HDAC9: variants seen among roughly 807,000 people sequenced by gnomAD.
The protein encoded by HDAC9 is MEF-2 interacting transcription repressor (MITR) protein.
HDAC9 carries 41 observed loss-of-function variants against 139.4 expected under a neutral mutation model. That is an observed-to-expected ratio of 0.29 (90% CI 0.23 to 0.38). HDAC9 has a LOEUF of 0.38. HDAC9 is among the 10% of genes least tolerant of loss of function. HDAC9 has a pLI of 1.00. For missense variants in HDAC9, 1,147 were observed against 1,297.0 expected (o/e 0.88, Z 1.78); for synonymous variants, 517 against 476.2 (o/e 1.09, Z -1.12).
chr7:18,904,718 G>GGT (rs1802055453), intron 22 of HDAC9, among the ~76,000 whole-genome samples: 6 of 151,010 alleles, frequency 4.0e-5, no homozygotes, highest in South Asian at 2.1e-4. Context: ...TGGGACTACA[G>GGT]GCAACCGCCA....
intron 1 of HDAC9, among the ~76,000 whole-genome samples, chr7:18,408,231 G>A (rs998485057): frequency 1.8e-4 from 28 of 152,114 alleles, no homozygotes; most frequent in African/African-American, 6.8e-4. Context: ...TAGATTATCA[G>A]CTACATGAAG....
intron 2 of HDAC9, among the ~76,000 whole-genome samples, chr7:18,247,995 G>T (rs1044695772): frequency 6.6e-6 from 1 of 152,114 alleles, no homozygotes; most frequent in Non-Finnish European, 1.5e-5. Context: ...GTCATGGGGA[G>T]AATATCTGAA....
At chr7:18,454,724 G>A (rs546107750) in intron 1 of HDAC9, among the ~76,000 whole-genome samples, 8 of 151,862 alleles carry the variant, frequency 5.3e-5, no homozygotes, top group Admixed American at 2.6e-4. Context: ...TTATGCACCT[G>A]CTATTTTCAG....
Position 18,944,800 on chromosome 7 carries a change from C to CAATA in HDAC9, c.2937+8859_2937+8862dup, listed in dbSNP as rs530686064. On this transcript the variant is annotated intron_variant, in intron 23 of 25. Coordinates refer to ENST00000686413, the MANE Select transcript of HDAC9 (RefSeq NM_178425.4). Reference sequence around the variant, plus strand: ...GTAGCTTTATATCCATGAAATCATACAATATATAATTCTTACTCATTTTGC... The same window carrying CAATA: ...GTAGCTTTATATCCATGAAATCATACAATAAATATATAATTCTTACTCATTTTGC... 2.1e-3 allele frequency among the ~76,000 whole-genome samples: 318 copies of CAATA among 152,152 alleles called. 1 individual carries two copies. Among genetic ancestry groups the CAATA allele is most frequent in the African/African-American group, 7.2e-3 (299 of 41,492 alleles).
At chr7:18,722,712 A>G (rs1161238044) in intron 12 of HDAC9, among the ~76,000 whole-genome samples, 1 of 152,182 alleles carries the variant, frequency 6.6e-6, no homozygotes, top group Non-Finnish European at 1.5e-5. Context: ...CATGTGGTTT[A>G]CTGGATTATT....
chr7:18,576,525 G>T (rs1456887515), intron 2 of HDAC9, among the ~76,000 whole-genome samples: 1 of 151,996 alleles, frequency 6.6e-6, no homozygotes, highest in Non-Finnish European at 1.5e-5. Flanking sequence ...AGCCAGGCAT[G>T]CTGGTGCACA....
At chr7:18,226,664 T>C (rs538457461) in intron 2 of HDAC9, among the ~76,000 whole-genome samples, 1 of 152,300 alleles carries the variant, frequency 6.6e-6, no homozygotes, top group East Asian at 1.9e-4. Context: ...AAGTGATATT[T>C]CAGCTGAAGG....
In HDAC9 at chr7:18,951,692, C is replaced by T. The variant is rs531816838; in HGVS notation, c.2938-2454C>T. 7.3e-4 allele frequency among the ~76,000 whole-genome samples: 111 copies of T among 151,920 alleles called. 1 individual carries two copies. Among genetic ancestry groups the T allele is most frequent in the African/African-American group, 2.6e-3 (110 of 41,510 alleles). ...TGTATCTAATCACCTAAATTAAATA[C>T]ATAGCAAAACTTTACCACATATTCT... On this transcript the variant is annotated intron_variant, in intron 23 of 25. Transcript: ENST00000686413.
chr7:18,632,149 G>T (rs1215907917), intron 7 of HDAC9, among the ~76,000 whole-genome samples: 1 of 151,984 alleles, frequency 6.6e-6, no homozygotes, highest in African/African-American at 2.4e-5. Flanking sequence ...AGAAGCTCCT[G>T]TAAGAATTTT....
At chr7:18,188,733 T>C (rs966040410) in intron 2 of HDAC9, among the ~76,000 whole-genome samples, 4 of 152,160 alleles carry the variant, frequency 2.6e-5, no homozygotes, top group African/African-American at 7.2e-5. Flanking sequence ...CCAGCGAACA[T>C]GTGAAAAAAT....
chr7:18,810,785 A>G (rs186808507), intron 17 of HDAC9, among the ~76,000 whole-genome samples: 38 of 151,956 alleles, frequency 2.5e-4, no homozygotes, highest in Admixed American at 2.4e-3. Flanking sequence ...GGTCTTTTCT[A>G]TGTGGCTTCT....
At chr7:18,778,514 T>C (rs1049035530) in intron 16 of HDAC9, among the ~76,000 whole-genome samples, 1 of 152,030 alleles carries the variant, frequency 6.6e-6, no homozygotes, top group African/African-American at 2.4e-5. Context: ...TGAAGCACCC[T>C]TTACACAGTG....
intron 17 of HDAC9, among the ~76,000 whole-genome samples, chr7:18,807,157 C>T (rs1442862262): frequency 6.6e-6 from 1 of 152,094 alleles, no homozygotes; most frequent in Non-Finnish European, 1.5e-5. Flanking sequence ...TTTTCTGTTT[C>T]TTCATGAAGA....
At chr7:18,843,179 G>C (rs1554375004) in intron 21 of HDAC9, among the ~76,000 whole-genome samples, 1 of 152,072 alleles carries the variant, frequency 6.6e-6, no homozygotes, top group Non-Finnish European at 1.5e-5. Flanking sequence ...TTCTCTAGAA[G>C]TTCTTTCTAA....
intron 17 of HDAC9, among the ~76,000 whole-genome samples, chr7:18,803,045 G>T (rs1793429841): frequency 1.3e-5 from 2 of 151,106 alleles, no homozygotes; most frequent in Non-Finnish European, 3.0e-5. Context: ...TTCCATTATT[G>T]GTTTGTCCCC....
rs571826411 is a variant in HDAC9 at position 18,602,826 on chromosome 7, C to T, written c.664+8797C>T. 2.0e-5 allele frequency among the ~76,000 whole-genome samples: 3 copies of T among 152,094 alleles called. No individual in the cohort carries two copies. In the South Asian group the frequency reaches 6.2e-4, roughly 32 times the overall value. The stretch of plus-strand genomic sequence containing the variant: ...TTGTGGGCTGAGAAAATACTGTGTA[C>T]ACATTCTGTTCCTTTAGATTTGTTG... On this transcript the variant is annotated intron_variant, in intron 6 of 25. Transcript: ENST00000686413.
intron 4 of HDAC9, 124 bp from the exon 5 acceptor site, chr7:18,591,392 C>A: frequency 1.5e-6 from 2 of 1,318,096 alleles, no homozygotes; most frequent in Non-Finnish European, 2.0e-6. Context: ...CTGTGACCAG[C>A]GATTTTACTT....
intron 17 of HDAC9, among the ~76,000 whole-genome samples, chr7:18,803,809 T>C (rs1370064596): frequency 6.6e-6 from 1 of 152,190 alleles, no homozygotes; most frequent in Non-Finnish European, 1.5e-5. Context: ...AAAATCAAAA[T>C]TTAATGCAGC....
chr7:18,752,522 G>T (rs1470862752), intron 14 of HDAC9, among the ~76,000 whole-genome samples: 1 of 152,072 alleles, frequency 6.6e-6, no homozygotes, highest in Non-Finnish European at 1.5e-5. Flanking sequence ...TTGTTCCTTT[G>T]CCTAGTTGTG....
Sources: gnomAD v4.1 joint callset for allele counts (sites outside exome capture counted in the v4.1 genomes callset) on GRCh38, gnomAD v4.1.1 for gene constraint, MANE v1.5 for transcripts, NCBI Gene and HGNC (gene_info 2026-07-23, HGNC 2026-07-21) for gene names.